Variants in ERC1 observed in about 807,000 individuals in gnomAD.
ERC1 encodes ELKS/RAB6-interacting/CAST family member 1, also known as RAB6 interacting protein 2.
Under a neutral mutation model 132.0 loss-of-function variants are expected in ERC1, and 56 were observed. The ratio of observed to expected loss-of-function variants is 0.42; its 90% CI spans 0.34 to 0.53. The LOEUF is 0.53. Ranked by LOEUF, ERC1 falls within the 20% of genes least tolerant of loss-of-function variation. The pLI, the probability that ERC1 is intolerant of heterozygous loss-of-function variation, is 0.03. For missense variants in ERC1, 1,202 were observed against 1,349.9 expected (o/e 0.89, Z 1.72); for synonymous variants, 478 against 476.1 (o/e 1.00, Z -0.05).
At chr12:1,449,477 A>G (rs1234767789) in intron 18 of ERC1, among the ~76,000 whole-genome samples, 1 of 152,126 alleles carries the variant, frequency 6.6e-6, no homozygotes, top group Non-Finnish European at 1.5e-5. Context: ...TGTTCTCATG[A>G]TAGTGGGTGG....
intron 7 of ERC1, among the ~76,000 whole-genome samples, chr12:1,138,177 AAT>A (rs564335054): frequency 1.0e-3 from 120 of 117,822 alleles, no homozygotes; most frequent in African/African-American, 4.0e-3. Context: ...AATTGTATAT[AAT>A]ATATATCATA....
chr12:1,062,452 T>C (rs1211427718), intron 2 of ERC1, among the ~76,000 whole-genome samples: 7 of 152,270 alleles, frequency 4.6e-5, no homozygotes, highest in Middle Eastern at 6.8e-3. Flanking sequence ...CGGTTTTTTT[T>C]CCAACAAATC....
intron 8 of ERC1, among the ~76,000 whole-genome samples, chr12:1,178,658 T>C (rs1954017513): frequency 6.6e-6 from 1 of 152,174 alleles, no homozygotes; most frequent in Admixed American, 6.5e-5. Flanking sequence ...GAGGAGATAA[T>C]GTTTATCTTG....
intron 18 of ERC1, among the ~76,000 whole-genome samples, chr12:1,470,786 G>A (rs1468849760): frequency 3.9e-5 from 6 of 152,188 alleles, no homozygotes; most frequent in Non-Finnish European, 8.8e-5. Flanking sequence ...GCCTGCATCT[G>A]CAAATCTTTG....
intron 1 of ERC1, among the ~76,000 whole-genome samples, chr12:1,000,486 A>AG (rs991509440): frequency 6.8e-5 from 10 of 147,784 alleles, no homozygotes; most frequent in African/African-American, 2.6e-4. Flanking sequence ...ACCCTGTCTC[A>AG]GAAAAAAAAA....
chr12:1,400,916 A>ATTATTAT (rs2090981093), intron 16 of ERC1, among the ~76,000 whole-genome samples: 7 of 15,040 alleles, frequency 4.7e-4, no homozygotes, highest in African/African-American at 1.2e-3. Flanking sequence ...CTATTTTTGT[A>ATTATTAT]TTTTTTTTTT....
In ERC1 at chr12:1,372,119, G is replaced by C. The variant is rs766073337; in HGVS notation, c.2925+142G>C. 2.0e-4 allele frequency: 214 copies of C among 1,083,724 alleles called. 1 individual carries two copies. Among genetic ancestry groups the C allele is most frequent in the Non-Finnish European group, 2.7e-4 (210 of 784,272 alleles). 67.1% of individuals were successfully genotyped at this position (1,083,724 alleles called of 1,614,324 possible). A position where few individuals can be genotyped will look rare whatever the true frequency, so the allele number is the denominator to read the frequency against. ...TGGAGCTAGTTAGTTTCCATCATTA[G>C]AGACTTTTTATCTCCGCAAATCTGT... On this transcript the variant is annotated intron_variant, in intron 16 of 18. Transcript: ENST00000360905.
Position 1,394,273 on chromosome 12 carries a change from T to G in ERC1, c.2926-13876T>G, listed in dbSNP as rs553738837. 4.8e-3 allele frequency among the ~76,000 whole-genome samples: 670 copies of G among 138,154 alleles called. 6 individuals carry two copies. Among genetic ancestry groups the G allele is most frequent in the African/African-American group, 0.014 (511 of 37,160 alleles). 90.6% of individuals were successfully genotyped at this position (138,154 alleles called of 152,430 possible). ...AAATTAGCCAGGCGTGGTGGCGGGC[T>G]CCTGTAGTCCCAGCTACTGGGGAGG... On this transcript the variant is annotated intron_variant, in intron 16 of 18. Coordinates refer to ENST00000360905, the MANE Select transcript of ERC1 (RefSeq NM_178040.4).
intron 2 of ERC1, among the ~76,000 whole-genome samples, chr12:1,061,555 A>T (rs1937901410): frequency 6.6e-6 from 1 of 152,100 alleles, no homozygotes; most frequent in African/African-American, 2.4e-5. Flanking sequence ...GTGAGTTGAG[A>T]TTGCACCACT....
intron 17 of ERC1, chr12:1,443,895 A>C (rs575374107): frequency 6.6e-6 from 1 of 152,274 alleles, no homozygotes; most frequent in Non-Finnish European, 1.5e-5. Flanking sequence ...TGTTACAACT[A>C]AGAATTTCAG....
At chr12:1,245,769 T>C (rs2076118791) in intron 13 of ERC1, among the ~76,000 whole-genome samples, 1 of 152,212 alleles carries the variant, frequency 6.6e-6, no homozygotes, top group Admixed American at 6.5e-5. Flanking sequence ...TGGCCTTAGA[T>C]ATGAATACTC....
At chr12:1,467,106 GTTTT>G (rs2093758250) in intron 18 of ERC1, among the ~76,000 whole-genome samples, 1 of 152,190 alleles carries the variant, frequency 6.6e-6, no homozygotes. Context: ...ATAAATAGTA[GTTTT>G]TAATGTTATC....
intron 3 of ERC1, among the ~76,000 whole-genome samples, chr12:1,096,562 T>C (rs1229634466): frequency 6.6e-6 from 1 of 152,186 alleles, no homozygotes; most frequent in East Asian, 1.9e-4. Flanking sequence ...GCAGAACAGA[T>C]TCAACATGGA....
intron 10 of ERC1, among the ~76,000 whole-genome samples, chr12:1,182,604 A>G (rs1316403614): frequency 6.6e-6 from 1 of 152,086 alleles, no homozygotes. Context: ...TCTTTAGGCA[A>G]TGTTATGGAA....
intron 11 of ERC1, 126 bp from the exon 12 acceptor site, chr12:1,189,733 T>A (rs1245354825): frequency 1.5e-6 from 1 of 674,750 alleles, no homozygotes; most frequent in African/African-American, 1.8e-5. Flanking sequence ...CCTTATAAAT[T>A]ACAAACTAAC....
At chr12:1,416,668 G>T (rs777549600) in intron 17 of ERC1, among the ~76,000 whole-genome samples, 1 of 152,146 alleles carries the variant, frequency 6.6e-6, no homozygotes, top group Non-Finnish European at 1.5e-5. Flanking sequence ...ATCTAGTTCT[G>T]TTGCTTTCAG....
chr12:1,281,342 T>A (rs2078666191), intron 14 of ERC1, among the ~76,000 whole-genome samples: 1 of 151,880 alleles, frequency 6.6e-6, no homozygotes, highest in African/African-American at 2.4e-5. Context: ...AAAAAAAAAA[T>A]GCCTTTTCAG....
rs1969211319 is a variant in ERC1, at chr12:1,036,985, G to T, written c.669+8413G>T. On this transcript the variant is annotated intron_variant, in intron 2 of 18. Transcript: ENST00000360905. ...ATTTCGAGAAGCAAAATTTGTACAT[G>T]TATGGCTTACAGAAATTTGAACTAT... 3.3e-5 allele frequency among the ~76,000 whole-genome samples: 5 copies of T among 152,316 alleles called. No homozygotes were observed. In the South Asian group the frequency reaches 1.0e-3, roughly 32 times the overall value.
intron 8 of ERC1, among the ~76,000 whole-genome samples, chr12:1,142,072 G>A (rs947587460): frequency 2.0e-5 from 3 of 151,910 alleles, no homozygotes; most frequent in Non-Finnish European, 4.4e-5. Flanking sequence ...ACATTCTTTT[G>A]CCCCTTCTGT....
Sources: allele counts gnomAD v4.1 joint callset (sites outside exome capture counted in the v4.1 genomes callset), GRCh38; gene constraint gnomAD v4.1.1; transcripts MANE v1.5; gene names NCBI Gene and HGNC (gene_info 2026-07-23, HGNC 2026-07-21).